Variants in POLA1 observed in about 807,000 individuals in gnomAD.
The protein encoded by POLA1 is DNA polymerase alpha 1, catalytic subunit.
POLA1 carries 15 observed loss-of-function variants against 124.0 expected under a neutral mutation model. The ratio of observed to expected loss-of-function variants is 0.12; its 90% CI spans 0.08 to 0.19. POLA1 has a LOEUF of 0.19. Among genes scored for constraint, POLA1 ranks in the 10% least tolerant of loss-of-function variants. The pLI, the probability that POLA1 is intolerant of heterozygous loss-of-function variation, is 1.00. For missense variants in POLA1, 886 were observed against 1,103.4 expected, an observed-to-expected ratio of 0.80 and a Z score of 2.79; for synonymous variants, 408 against 389.4, an observed-to-expected ratio of 1.05 and a Z score of -0.56.
chrX:24,748,584 T>A, intron 25 of POLA1, 124 bp downstream of exon 25: 1 of 619,174 alleles, frequency 1.6e-6, no homozygotes, highest in Non-Finnish European at 2.5e-6. Flanking sequence ...TAGGTGACCA[T>A]TTAAAAATAC....
chrX:24,738,415 G>T (rs1463982818), intron 19 of POLA1, among the ~76,000 whole-genome samples: 1 of 110,907 alleles, frequency 9.0e-6, no homozygotes, highest in Admixed American at 9.6e-5. Context: ...TGGGAAGAAT[G>T]AATGGAAGGG....
chrX:24,976,490 A>C (rs758745990), intron 36 of POLA1, among the ~76,000 whole-genome samples: 127 of 112,182 alleles, frequency 1.1e-3, no homozygotes, highest in Non-Finnish European at 2.2e-3. Flanking sequence ...CTCATAATTC[A>C]CAATAAATTC....
At chrX:24,896,611 TC>T (rs2047209424) in intron 35 of POLA1, among the ~76,000 whole-genome samples, 1 of 111,850 alleles carries the variant, frequency 8.9e-6, no homozygotes, top group Admixed American at 9.5e-5. Flanking sequence ...AGATTGGACA[TC>T]CCTGGACATT....
chrX:24,776,715 A>T (rs11573393), intron 26 of POLA1, among the ~76,000 whole-genome samples: 3,265 of 111,949 alleles, frequency 0.029, 114 homozygotes, highest in African/African-American at 0.099. Context: ...TCAAGTGCTT[A>T]TGACATTTAA....
chrX:24,786,449 GTCT>G (rs2045362914), intron 26 of POLA1, among the ~76,000 whole-genome samples: 1 of 111,220 alleles, frequency 9.0e-6, no homozygotes, highest in Admixed American at 9.6e-5. Flanking sequence ...CCGTTTCTGT[GTCT>G]TCTTTGGAAA....
intron 15 of POLA1, among the ~76,000 whole-genome samples, chrX:24,729,752 G>A (rs1930775331): frequency 1.8e-5 from 2 of 109,211 alleles, no homozygotes; most frequent in Admixed American, 1.9e-4. Flanking sequence ...ACAGCATTTT[G>A]TCAGTGTTTT....
At chrX:24,835,196 C>G (rs891376041) in intron 32 of POLA1, among the ~76,000 whole-genome samples, 1 of 109,606 alleles carries the variant, frequency 9.1e-6, no homozygotes, top group African/African-American at 3.3e-5. Context: ...CGCAGGCATG[C>G]GCCACCACCC....
At chrX:24,930,638 G>C in intron 36 of POLA1, 89 bp downstream of exon 36, 3 of 584,573 alleles carry the variant, frequency 5.1e-6, no homozygotes, top group Non-Finnish European at 8.7e-6. Context: ...TGTTCATGCA[G>C]CATCACATTG....
intron 6 of POLA1, 76 bp from the exon 7 acceptor site, chrX:24,716,286 A>G (rs11573323): frequency 0.013 from 7,213 of 537,638 alleles, 45 homozygotes; most frequent in Non-Finnish European, 0.02. Context: ...TTGGGCTTCA[A>G]TGAGTGAAGA....
chrX:24,984,380 T>C (rs11573519), intron 36 of POLA1, among the ~76,000 whole-genome samples: 4,700 of 111,953 alleles, frequency 0.042, 251 homozygotes, highest in African/African-American at 0.14. Context: ...AATATGCTCA[T>C]TTCATCTTCT....
intron 27 of POLA1, 40 bp downstream of exon 27, chrX:24,809,970 A>G: frequency 1.2e-6 from 1 of 859,356 alleles, no homozygotes; most frequent in Non-Finnish European, 1.7e-6. Context: ...CTTAAATATC[A>G]TAACTGGTAA....
intron 4 of POLA1, among the ~76,000 whole-genome samples, chrX:24,710,697 C>T (rs186565436): frequency 1.7e-4 from 16 of 92,194 alleles, no homozygotes; most frequent in South Asian, 6.5e-4. Context: ...GACAGAGTCT[C>T]GCTCTGTCAC....
intron 36 of POLA1, among the ~76,000 whole-genome samples, chrX:24,992,525 TAAATG>T (rs889291248): frequency 8.9e-6 from 1 of 112,573 alleles, no homozygotes; most frequent in Non-Finnish European, 1.9e-5. Context: ...TGTACAGAAA[TAAATG>T]AAACAGACAT....
Position 24,716,895 on chromosome X carries a change from A to C in POLA1, c.630A>C (p.Ser210=). Residue 210 remains serine, a synonymous_variant, in exon 8 of 37, where the codon TCA becomes TCC. Transcript: ENST00000379068. The part of the protein sequence containing the change: ...FSVHTATAVP[S]GKIASPVSRK... ...AAAAACGTTTACAGGCAGTTCCTTCAGGAAAAATTGCTTCCCCTGTCTCCA... is the reference window on the plus strand; with the variant it reads ...AAAAACGTTTACAGGCAGTTCCTTCCGGAAAAATTGCTTCCCCTGTCTCCA... The C allele has an allele frequency of 8.4e-7, 1 of 1,190,523 alleles. No homozygotes were observed. The highest frequency in any genetic ancestry group is 1.1e-6 in the Non-Finnish European group (1 of 878,055).
At position 24,749,000 on chromosome X, in the gene POLA1, G is replaced by A; in HGVS notation, c.2964+8G>A. On this transcript the variant is annotated splice_region_variant and intron_variant, in intron 26 of 36. Transcript: ENST00000379068. Reference sequence around the variant, plus strand: ...ACATACAAAGGAAGGGAGGTAAATGGCGTAATAACATTCACATCTCTAGAT... The same window carrying A: ...ACATACAAAGGAAGGGAGGTAAATGACGTAATAACATTCACATCTCTAGAT... 1.7e-6 allele frequency: 2 copies of A among 1,182,413 alleles called. No individual in the cohort carries two copies.
At chrX:24,737,518 A>G (rs1870075443) in intron 18 of POLA1, 107 bp from the exon 19 acceptor site, 6 of 495,747 alleles carry the variant, frequency 1.2e-5, no homozygotes, top group Middle Eastern at 7.0e-4. Flanking sequence ...GATGTCTTCA[A>G]TTAGAGACTA....
chrX:24,697,339 T>TA (rs780239129), intron 1 of POLA1, among the ~76,000 whole-genome samples: 96 of 111,752 alleles, frequency 8.6e-4, no homozygotes, highest in African/African-American at 3.0e-3. Context: ...TTGAGGGGAA[T>TA]CGCTTTTCAC....
intron 32 of POLA1, among the ~76,000 whole-genome samples, chrX:24,840,512 T>C (rs1044855981): frequency 8.9e-6 from 1 of 112,145 alleles, no homozygotes; most frequent in East Asian, 2.8e-4. Flanking sequence ...TATTTTATAA[T>C]TACTAGATGT....
intron 10 of POLA1, 74 bp downstream of exon 10, chrX:24,717,832 T>A: frequency 2.8e-6 from 2 of 717,888 alleles, no homozygotes; most frequent in Non-Finnish European, 4.0e-6. Context: ...TATTTTTTGT[T>A]TCTTTTTGTG....
Sources: gnomAD v4.1 joint callset for allele counts (sites outside exome capture counted in the v4.1 genomes callset) on GRCh38, gnomAD v4.1.1 for gene constraint, MANE v1.5 for transcripts, NCBI Gene and HGNC (gene_info 2026-07-23, HGNC 2026-07-21) for gene names.